MPDZ: variants seen among roughly 807,000 people sequenced by gnomAD.
MPDZ encodes the protein multiple PDZ domain protein.
A neutral mutation model predicts 239.1 loss-of-function variants in MPDZ; 234 were observed. The ratio of observed to expected loss-of-function variants is 0.98; its 90% confidence interval spans 0.88 to 1.09. MPDZ has a LOEUF of 1.09. MPDZ is among the 50% of genes least tolerant of loss of function. The pLI, the probability that MPDZ is intolerant of heterozygous loss-of-function variation, is 0.00. For synonymous variants in MPDZ, 1,048 were observed against 881.3 expected, an observed-to-expected ratio of 1.19 and a Z score of -3.35; for missense variants, 3,175 against 2,510.0, an observed-to-expected ratio of 1.26 and a Z score of -5.66.
chr9:13,151,257 T>A (rs571283402), intron 24 of MPDZ, among the ~76,000 whole-genome samples: 1 of 152,004 alleles, frequency 6.6e-6, no homozygotes, highest in Non-Finnish European at 1.5e-5. Flanking sequence ...TATAGGTTCC[T>A]CAAAAAATTA....
At chr9:13,249,104 T>TCACACA (rs199752806) in intron 2 of MPDZ, among the ~76,000 whole-genome samples, 4,035 of 145,824 alleles carry the variant, frequency 0.028, 79 homozygotes, top group Non-Finnish European at 0.038. Flanking sequence ...GATCATGGGT[T>TCACACA]CACACACACA....
At position 13,209,618 on chromosome 9, in the gene MPDZ, G is replaced by C. The variant is rs141245872; in HGVS notation, c.1291-3519C>G. On this transcript the variant is annotated intron_variant, in intron 10 of 46. Coordinates refer to ENST00000319217, the MANE Select transcript of MPDZ (RefSeq NM_001378778.1). ...AAAAGCAGGTTGCACACTGAAGATC[G>C]GTGCATGTATCTTCCTATGAAGTTG... 2.0e-3 allele frequency among the ~76,000 whole-genome samples: 297 copies of C among 152,240 alleles called. 2 individuals carry two copies. Among genetic ancestry groups the C allele is most frequent in the African/African-American group, 6.8e-3 (283 of 41,544 alleles).
At chr9:13,221,690 A>G (rs1308361460) in intron 6 of MPDZ, among the ~76,000 whole-genome samples, 190 bp from the exon 7 acceptor site, 1 of 152,060 alleles carries the variant, frequency 6.6e-6, no homozygotes, top group African/African-American at 2.4e-5. Flanking sequence ...CATTGACAGA[A>G]TCATTCTTGA....
intron 19 of MPDZ, among the ~76,000 whole-genome samples, chr9:13,182,747 T>C (rs1489513406): frequency 5.9e-5 from 9 of 152,144 alleles, no homozygotes; most frequent in Admixed American, 2.6e-4. Context: ...AAACATTGGA[T>C]ACATTTTAAA....
At chr9:13,183,311 CAT>C (rs1195754395) in intron 19 of MPDZ, 105 bp downstream of exon 19, 1 of 852,422 alleles carries the variant, frequency 1.2e-6, no homozygotes, top group African/African-American at 1.7e-5. Context: ...ACTGGAGAAA[CAT>C]AATGTCTCCA....
intron 7 of MPDZ, among the ~76,000 whole-genome samples, 153 bp from the exon 8 acceptor site, chr9:13,219,921 T>C (rs1958873748): frequency 6.6e-6 from 1 of 151,974 alleles, no homozygotes; most frequent in South Asian, 2.1e-4. Flanking sequence ...TAACTGTCTT[T>C]TGAAACATCC....
intron 1 of MPDZ, among the ~76,000 whole-genome samples, chr9:13,270,190 C>T (rs984751407): frequency 6.6e-6 from 1 of 152,194 alleles, no homozygotes; most frequent in Non-Finnish European, 1.5e-5. Flanking sequence ...ATATTAAGAG[C>T]ACAAACCAAC....
In MPDZ at chr9:13,238,838, T is replaced by G. The variant is rs185480596; in HGVS notation, c.183+8797A>C. Among the ~76,000 whole-genome samples the G allele has an allele frequency of 5.3e-5, 8 of 152,304 alleles. No homozygotes were observed. The East Asian group carries it at 1.5e-3, about 29-fold the overall frequency. ...AGCCGATGAAAATCTAGTATTCTGC[T>G]ATTAAGCTGCACATTAAATATATGT... On this transcript the variant is annotated intron_variant, in intron 3 of 46. Coordinates refer to ENST00000319217, the MANE Select transcript of MPDZ (RefSeq NM_001378778.1).
At chr9:13,189,264 A>C in intron 16 of MPDZ, among the ~76,000 whole-genome samples, 1 of 152,314 alleles carries the variant, frequency 6.6e-6, no homozygotes, top group Non-Finnish European at 1.5e-5. Flanking sequence ...CTTTAAAATT[A>C]TAATTTTAAC....
At chr9:13,134,117 C>T in intron 31 of MPDZ, 1 of 212,732 alleles carries the variant, frequency 4.7e-6, no homozygotes, top group Non-Finnish European at 9.0e-6. Flanking sequence ...ATGAACATTA[C>T]ATTCTCTTCA....
At position 13,223,554 on chromosome 9, in the gene MPDZ, C is replaced by T. The variant is rs768860496; in HGVS notation, c.533+17G>A. On this transcript the variant is annotated intron_variant, in intron 5 of 46. Coordinates refer to ENST00000319217, the MANE Select transcript of MPDZ (RefSeq NM_001378778.1). ...AATGTGGGATCAAAAACAAAGAAGA[C>T]GCCGCGACCATCTCACCTATGGGCC... is the stretch of plus-strand genomic sequence containing the variant. The T allele has an allele frequency of 1.6e-5, 25 of 1,592,810 alleles. 1 individual carries two copies. The highest frequency in any genetic ancestry group is 4.5e-5 in the East Asian group (2 of 44,366).
chr9:13,262,549 G>T (rs1316043310), intron 1 of MPDZ, among the ~76,000 whole-genome samples: 1 of 151,440 alleles, frequency 6.6e-6, no homozygotes, highest in Non-Finnish European at 1.5e-5. Context: ...AAGTATACAC[G>T]TTAAAACTTT....
At chr9:13,136,256 G>A in intron 30 of MPDZ, 74 bp from the exon 31 acceptor site, 5 of 916,536 alleles carry the variant, frequency 5.5e-6, no homozygotes, top group Non-Finnish European at 8.0e-6. Flanking sequence ...AGAGTCAGAA[G>A]GTTATTAGAG....
At chr9:13,133,692 T>C (rs1436933323) in intron 32 of MPDZ, 132 bp downstream of exon 32, 2 of 570,222 alleles carry the variant, frequency 3.5e-6, no homozygotes, top group Non-Finnish European at 6.2e-6. Flanking sequence ...GCCCAAGTAT[T>C]TGCAGTTCTA....
rs961846383 is a variant in MPDZ, at chr9:13,147,644, G to A, written c.3645C>T (p.Asp1215=). ...GDRIVEVDGM[D]LRDASHEQAV... ...CTTGTTCATGGCTTGCATCTCTGAG[G>A]TCCATTCCATCCACCTGCAATGGAA... The change falls in exon 26 of 47, where the codon GAC becomes GAT. Residue 1215 remains aspartate, a synonymous_variant. Coordinates refer to ENST00000319217, the MANE Select transcript of MPDZ (RefSeq NM_001378778.1). 1.2e-6 allele frequency: 2 copies of A among 1,611,800 alleles called. No homozygotes were observed. The highest frequency in any genetic ancestry group is 1.7e-6 in the Non-Finnish European group (2 of 1,178,550).
At chr9:13,214,875 G>A (rs1232602377) in intron 10 of MPDZ, among the ~76,000 whole-genome samples, 1 of 118,142 alleles carries the variant, frequency 8.5e-6, no homozygotes, top group Non-Finnish European at 1.9e-5. Context: ...AGGTGAACAG[G>A]TGTAGGTAGG....
chr9:13,148,646 T>C (rs1485686317), intron 25 of MPDZ, among the ~76,000 whole-genome samples: 1 of 152,030 alleles, frequency 6.6e-6, no homozygotes, highest in East Asian at 1.9e-4. Context: ...ACCATATGTC[T>C]ACTATATATT....
chr9:13,197,675 G>A (rs1254738789), intron 12 of MPDZ, among the ~76,000 whole-genome samples: 1 of 151,928 alleles, frequency 6.6e-6, no homozygotes, highest in Admixed American at 6.6e-5. Flanking sequence ...TCACCCTACT[G>A]TGCTGTTGAA....
In MPDZ at chr9:13,138,138, C is replaced by A. The variant is rs374429110; in HGVS notation, c.4019G>T (p.Arg1340Leu). The change falls in exon 29 of 47, where the codon CGT (arginine) becomes CTT (leucine). Residue 1340 changes from arginine to leucine, a missense_variant. Physicochemically the swap from Arg to Leu is moderately radical, Grantham distance 102 (BLOSUM62 -2). Transcript: ENST00000319217. ...CAGCTCGCCTGTTAGGGTTCCATAA[C>A]GCTCTCTGATATTTTCTACATACAA... ...FGYSWKNIRE[R>L]YGTLTGELHM... 1.3e-6 allele frequency: 2 copies of A among 1,585,914 alleles called. No homozygotes were observed. The highest frequency in any genetic ancestry group is 2.3e-5 in the South Asian group (2 of 85,902).
Sources: gnomAD v4.1 joint callset for allele counts (sites outside exome capture counted in the v4.1 genomes callset) on GRCh38, gnomAD v4.1.1 for gene constraint, MANE v1.5 for transcripts, NCBI Gene and HGNC (gene_info 2026-07-23, HGNC 2026-07-21) for gene names.